Variants in FIGN observed in about 807,000 individuals in gnomAD.
FIGN encodes the protein fidgetin, microtubule severing factor, also known as fidgetin.
Under a neutral mutation model 51.3 loss-of-function variants are expected in FIGN, and 11 were observed. That is an observed-to-expected ratio of 0.21 (90% CI 0.13 to 0.35). FIGN has a LOEUF of 0.35. Ranked by LOEUF, FIGN falls within the 10% of genes least tolerant of loss-of-function variation. The pLI, the probability that FIGN is intolerant of heterozygous loss-of-function variation, is 1.00. For synonymous variants in FIGN, 407 were observed against 363.2 expected (o/e 1.12, Z -1.37); for missense variants, 857 against 943.6 (o/e 0.91, Z 1.20).
At chr2:163,621,262 G>A (rs7589668) in intron 2 of FIGN, among the ~76,000 whole-genome samples, 30,856 of 151,878 alleles carry the variant, frequency 0.2, 3,996 homozygotes, top group East Asian at 0.46. Context: ...AAATTTGTTT[G>A]GGTTATTTAT....
intron 2 of FIGN, among the ~76,000 whole-genome samples, chr2:163,684,128 T>C (rs1684108828): frequency 6.6e-6 from 1 of 152,104 alleles, no homozygotes; most frequent in Non-Finnish European, 1.5e-5. Flanking sequence ...TAGATCATTA[T>C]TACAGGATCA....
chr2:163,715,509 T>A (rs1684654148), intron 2 of FIGN, among the ~76,000 whole-genome samples: 1 of 152,204 alleles, frequency 6.6e-6, no homozygotes, highest in South Asian at 2.1e-4. Flanking sequence ...ACAGCCACCC[T>A]GCTTCACTCC....
In FIGN at chr2:163,694,365, T is replaced by A. The variant is rs114922389; in HGVS notation, c.25+40538A>T. On this transcript the variant is annotated intron_variant, in intron 2 of 2. Coordinates refer to ENST00000333129, the MANE Select transcript of FIGN (RefSeq NM_018086.4). ...TGTACTATAACCTCCTCTTCAATAT[T>A]CATAATACCTATTAGCATTCTAGGG... Among the ~76,000 whole-genome samples the A allele has an allele frequency of 7.1e-3, 1,075 of 152,286 alleles. 11 individuals are homozygous for A. The highest frequency in any genetic ancestry group is 0.024 in the African/African-American group (989 of 41,560).
At chr2:163,636,576 C>T (rs1449027142) in intron 2 of FIGN, among the ~76,000 whole-genome samples, 1 of 152,168 alleles carries the variant, frequency 6.6e-6, no homozygotes, top group African/African-American at 2.4e-5. Context: ...TGAGCCACTG[C>T]TCCCGACTCT....
chr2:163,715,746 C>T (rs1157807337), intron 2 of FIGN, among the ~76,000 whole-genome samples: 5 of 152,156 alleles, frequency 3.3e-5, no homozygotes, highest in Admixed American at 3.3e-4. Context: ...AGAACACCCA[C>T]AGCATTTCTG....
chr2:163,696,885 G>C (rs1684328899), intron 2 of FIGN, among the ~76,000 whole-genome samples: 2 of 149,470 alleles, frequency 1.3e-5, no homozygotes, highest in Non-Finnish European at 3.0e-5. Flanking sequence ...TGCCCAGGCT[G>C]GTCTCGAACT....
chr2:163,685,963 C>T (rs1175494471), intron 2 of FIGN, among the ~76,000 whole-genome samples: 2 of 152,118 alleles, frequency 1.3e-5, no homozygotes, highest in African/African-American at 4.8e-5. Context: ...TAGAAAAAAA[C>T]ACATGTAAAA....
chr2:163,706,793 A>C (rs1684506154), intron 2 of FIGN, among the ~76,000 whole-genome samples: 1 of 152,168 alleles, frequency 6.6e-6, no homozygotes, highest in African/African-American at 2.4e-5. Flanking sequence ...TGTTGGCTGA[A>C]ATTCTGACAA....
intron 2 of FIGN, among the ~76,000 whole-genome samples, chr2:163,692,832 T>C (rs940506832): frequency 6.6e-6 from 1 of 152,194 alleles, no homozygotes; most frequent in Non-Finnish European, 1.5e-5. Flanking sequence ...ACGACCTCTG[T>C]ACCAGAGAGA....
chr2:163,710,310 T>C (rs1359292673), intron 2 of FIGN, among the ~76,000 whole-genome samples: 2 of 152,160 alleles, frequency 1.3e-5, no homozygotes, highest in African/African-American at 4.8e-5. Flanking sequence ...CAAAGTAAGA[T>C]TTAGCAAGGA....
intron 2 of FIGN, among the ~76,000 whole-genome samples, chr2:163,646,649 C>T (rs1055310772): frequency 6.6e-6 from 1 of 152,120 alleles, no homozygotes; most frequent in Non-Finnish European, 1.5e-5. Flanking sequence ...ATAAATGTGC[C>T]TCTGAGCCAA....
chr2:163,643,609 C>T (rs1020972903), intron 2 of FIGN, among the ~76,000 whole-genome samples: 2 of 151,226 alleles, frequency 1.3e-5, no homozygotes, highest in African/African-American at 2.4e-5. Flanking sequence ...CAAGATCATG[C>T]CACTGCACTC....
At chr2:163,708,443 A>G (rs1369104985) in intron 2 of FIGN, among the ~76,000 whole-genome samples, 3 of 152,186 alleles carry the variant, frequency 2.0e-5, no homozygotes, top group Admixed American at 6.6e-5. Context: ...GTCATTTCAC[A>G]AGTATAATGT....
chr2:163,641,450 C>T (rs899885018), intron 2 of FIGN, among the ~76,000 whole-genome samples: 3 of 152,182 alleles, frequency 2.0e-5, no homozygotes, highest in African/African-American at 7.2e-5. Context: ...ATTAGTTTAG[C>T]CCCTTCATCT....
intron 2 of FIGN, among the ~76,000 whole-genome samples, chr2:163,680,125 T>G (rs1684038373): frequency 6.6e-6 from 1 of 152,194 alleles, no homozygotes; most frequent in Non-Finnish European, 1.5e-5. Context: ...AAGAACATTT[T>G]TCTAAAATGG....
chr2:163,650,826 A>C (rs1423666906), intron 2 of FIGN, among the ~76,000 whole-genome samples: 1 of 152,202 alleles, frequency 6.6e-6, no homozygotes, highest in Non-Finnish European at 1.5e-5. Context: ...CATGAGATTT[A>C]GTACATGTGC....
intron 2 of FIGN, among the ~76,000 whole-genome samples, chr2:163,619,974 C>G (rs892226412): frequency 2.0e-5 from 3 of 151,736 alleles, no homozygotes; most frequent in African/African-American, 7.3e-5. Context: ...TAATCTAAAA[C>G]CAAGTAAAAA....
chr2:163,605,624 C>T lies in FIGN; in HGVS notation c.*3928G>A, dbSNP rs1370604508. ...ACACACATACACACATACAAACACA[C>T]ACACTAATTTTATATTTATATATAT... On this transcript the variant is annotated 3_prime_UTR_variant, in exon 3 of 3. Transcript: ENST00000333129. 1.3e-5 allele frequency: 2 copies of T among 151,822 alleles called. No homozygotes were observed. Among genetic ancestry groups the T allele is most frequent in the South Asian group, 2.1e-4 (1 of 4,824 alleles). The allele number at this position is 151,822 out of a possible 1,614,324, so 9.4% of individuals were successfully genotyped here.
intron 2 of FIGN, among the ~76,000 whole-genome samples, chr2:163,650,701 G>A (rs1354463663): frequency 6.6e-6 from 1 of 152,092 alleles, no homozygotes; most frequent in Non-Finnish European, 1.5e-5. Context: ...CTGTTAGGCT[G>A]TGTCCTATCT....
Sources: allele counts gnomAD v4.1 joint callset (sites outside exome capture counted in the v4.1 genomes callset), GRCh38; gene constraint gnomAD v4.1.1; transcripts MANE v1.5; gene names NCBI Gene and HGNC (gene_info 2026-07-23, HGNC 2026-07-21).